Variants in ADGRL3 observed in about 807,000 individuals in gnomAD.
ADGRL3 encodes calcium-independent alpha-latrotoxin receptor 3.
A neutral mutation model predicts 153.5 loss-of-function variants in ADGRL3; 62 were observed. The observed-to-expected ratio is 0.40, with a 90% confidence interval of 0.33 to 0.50. ADGRL3 has a LOEUF of 0.50. ADGRL3 is among the 20% of genes least tolerant of loss of function. ADGRL3 has a pLI of 0.47. For synonymous variants in ADGRL3, 710 were observed against 672.5 expected, an observed-to-expected ratio of 1.06 and a Z score of -0.86; for missense variants, 1,641 against 1,859.4, an observed-to-expected ratio of 0.88 and a Z score of 2.16.
intron 8 of ADGRL3, among the ~76,000 whole-genome samples, chr4:61,757,606 G>A (rs547066893): frequency 9.9e-4 from 151 of 151,974 alleles, no homozygotes; most frequent in African/African-American, 3.5e-3. Context: ...GGGTTTTTTT[G>A]TGTCTCTATT....
chr4:62,057,083 C>T (rs531284171), intron 25 of ADGRL3, among the ~76,000 whole-genome samples: 136 of 152,126 alleles, frequency 8.9e-4, no homozygotes, highest in Middle Eastern at 3.4e-3. Flanking sequence ...AAGAACTTTT[C>T]AGTATACTTT....
At chr4:61,672,411 A>C (rs2095039978) in intron 5 of ADGRL3, among the ~76,000 whole-genome samples, 1 of 152,088 alleles carries the variant, frequency 6.6e-6, no homozygotes, top group Admixed American at 6.6e-5. Context: ...ATTGGTCTAC[A>C]CGTTTATTTA....
chr4:61,798,137 A>AT (rs978516223), intron 8 of ADGRL3, among the ~76,000 whole-genome samples: 15 of 151,710 alleles, frequency 9.9e-5, no homozygotes, highest in Middle Eastern at 3.4e-3. Context: ...TTCTGAAACA[A>AT]TTTTTTTTTA....
intron 2 of ADGRL3, among the ~76,000 whole-genome samples, chr4:61,455,844 C>T (rs976743138): frequency 6.6e-6 from 1 of 151,988 alleles, no homozygotes; most frequent in Non-Finnish European, 1.5e-5. Flanking sequence ...GAAACAGAGT[C>T]TCACTCTATC....
intron 17 of ADGRL3, among the ~76,000 whole-genome samples, chr4:61,962,252 G>A (rs1236736042): frequency 6.6e-6 from 1 of 151,746 alleles, no homozygotes; most frequent in African/African-American, 2.4e-5. Flanking sequence ...AAAAAAGAAA[G>A]ATAGAAAGTA....
chr4:61,762,008 A>G (rs978105693), intron 8 of ADGRL3, among the ~76,000 whole-genome samples: 1 of 152,244 alleles, frequency 6.6e-6, no homozygotes, highest in Non-Finnish European at 1.5e-5. Flanking sequence ...TTATTAGAGT[A>G]TGTTTCATGA....
At chr4:62,006,030 A>ATTTT (rs1345713033) in intron 21 of ADGRL3, among the ~76,000 whole-genome samples, 17 of 80,252 alleles carry the variant, frequency 2.1e-4, no homozygotes, top group African/African-American at 6.5e-4. Flanking sequence ...ATATATATAT[A>ATTTT]TATTTTTTTT....
intron 1 of ADGRL3, among the ~76,000 whole-genome samples, chr4:61,291,212 A>ACGCACG (rs3035663): frequency 4.0e-5 from 1 of 24,878 alleles, no homozygotes; most frequent in African/African-American, 6.8e-5. Context: ...ACACACACAC[A>ACGCACG]CACACGCACA....
intron 1 of ADGRL3, among the ~76,000 whole-genome samples, chr4:61,314,475 T>C (rs561357997): frequency 2.0e-4 from 31 of 152,346 alleles, no homozygotes; most frequent in African/African-American, 7.5e-4. Context: ...CCCAAAGTGC[T>C]GGGATTATAG....
chr4:61,823,595 T>A (rs2148761674), intron 9 of ADGRL3, among the ~76,000 whole-genome samples: 1 of 152,278 alleles, frequency 6.6e-6, no homozygotes, highest in Non-Finnish European at 1.5e-5. Context: ...TGTCTTTTTG[T>A]GAATGAGAAA....
At chr4:61,300,136 C>T (rs1402483797) in intron 1 of ADGRL3, among the ~76,000 whole-genome samples, 1 of 152,148 alleles carries the variant, frequency 6.6e-6, no homozygotes, top group Non-Finnish European at 1.5e-5. Context: ...CTGAATAACT[C>T]ATTTTTCATA....
At chr4:61,750,144 T>C (rs970342031) in intron 8 of ADGRL3, among the ~76,000 whole-genome samples, 5 of 139,752 alleles carry the variant, frequency 3.6e-5, no homozygotes, top group African/African-American at 1.3e-4. Flanking sequence ...TTACAGTCTA[T>C]TGAAAACAAA....
At chr4:61,364,207 C>T (rs748734455) in intron 1 of ADGRL3, among the ~76,000 whole-genome samples, 17 of 151,776 alleles carry the variant, frequency 1.1e-4, no homozygotes, top group Non-Finnish European at 2.5e-4. Context: ...GTGGTGCACA[C>T]CTGTAGTCCC....
intron 1 of ADGRL3, among the ~76,000 whole-genome samples, chr4:61,376,887 C>T (rs1194090421): frequency 6.6e-6 from 1 of 152,090 alleles, no homozygotes; most frequent in East Asian, 1.9e-4. Flanking sequence ...TTGATTGTGG[C>T]TATGGAAGCT....
At chr4:61,510,824 G>A (rs1234857610) in intron 3 of ADGRL3, among the ~76,000 whole-genome samples, 3 of 152,044 alleles carry the variant, frequency 2.0e-5, no homozygotes, top group Non-Finnish European at 4.4e-5. Context: ...GGTAGGAATA[G>A]CATTCAATTT....
intron 3 of ADGRL3, among the ~76,000 whole-genome samples, chr4:61,497,779 C>G (rs2098337897): frequency 6.6e-6 from 1 of 151,884 alleles, no homozygotes; most frequent in South Asian, 2.1e-4. Context: ...CCTCCTTGGC[C>G]TCCCAAAGTG....
intron 21 of ADGRL3, among the ~76,000 whole-genome samples, chr4:62,018,233 C>T (rs893245953): frequency 9.9e-5 from 15 of 152,152 alleles, no homozygotes; most frequent in South Asian, 8.3e-4. Flanking sequence ...GGAGTCTAGG[C>T]GTATTAAAAG....
intron 9 of ADGRL3, among the ~76,000 whole-genome samples, chr4:61,859,833 T>C (rs1294167389): frequency 6.6e-6 from 1 of 152,174 alleles, no homozygotes; most frequent in Non-Finnish European, 1.5e-5. Context: ...GGTTTTCTCA[T>C]CAGGAAAACC....
chr4:61,346,937 G>C (rs1209787854), intron 1 of ADGRL3, among the ~76,000 whole-genome samples: 1 of 152,048 alleles, frequency 6.6e-6, no homozygotes, highest in African/African-American at 2.4e-5. Context: ...TGACTGTGAG[G>C]TTCCAAACTG....
Sources: gnomAD v4.1 joint callset for allele counts (sites outside exome capture counted in the v4.1 genomes callset) on GRCh38, gnomAD v4.1.1 for gene constraint, MANE v1.5 for transcripts, NCBI Gene and HGNC (gene_info 2026-07-23, HGNC 2026-07-21) for gene names.